Variants in PRKCE observed in about 807,000 individuals in gnomAD.
PRKCE encodes the protein protein kinase C epsilon.
In PRKCE, 16 loss-of-function variants were observed where a neutral mutation model predicts 85.4. The ratio of observed to expected loss-of-function variants is 0.19; its 90% CI spans 0.13 to 0.28. The LOEUF is 0.28. Among genes scored for constraint, PRKCE ranks in the 10% least tolerant of loss-of-function variants. The pLI is 1.00. For missense variants in PRKCE, 573 were observed against 975.2 expected (o/e 0.59, Z 5.49); for synonymous variants, 388 against 371.5 (o/e 1.04, Z -0.51).
At chr2:45,942,072 C>T (rs530157764) in intron 2 of PRKCE, among the ~76,000 whole-genome samples, 6 of 152,258 alleles carry the variant, frequency 3.9e-5, no homozygotes, top group South Asian at 4.1e-4. Flanking sequence ...GTTTGAAGTA[C>T]GGCACCTCTG....
chr2:45,851,253 G>A (rs768547817), intron 2 of PRKCE, among the ~76,000 whole-genome samples: 2 of 152,234 alleles, frequency 1.3e-5, no homozygotes, highest in Non-Finnish European at 2.9e-5. Context: ...AGAGGGACTA[G>A]TATTTGATTG....
chr2:46,108,342 C>A (rs1286199662), intron 11 of PRKCE, among the ~76,000 whole-genome samples: 3 of 152,204 alleles, frequency 2.0e-5, no homozygotes, highest in African/African-American at 7.2e-5. Flanking sequence ...TTAATGAAAT[C>A]ATATCTTTTG....
intron 10 of PRKCE, among the ~76,000 whole-genome samples, chr2:46,064,990 G>C (rs1392116909): frequency 2.0e-5 from 3 of 152,158 alleles, no homozygotes; most frequent in Admixed American, 2.0e-4. Context: ...AATTTTTCAT[G>C]TTCTAGCTTG....
At chr2:46,046,916 C>T (rs111619691) in intron 10 of PRKCE, among the ~76,000 whole-genome samples, 5 of 152,338 alleles carry the variant, frequency 3.3e-5, no homozygotes, top group African/African-American at 1.2e-4. Context: ...CCTATTTCCA[C>T]TTTCATCTAC....
At chr2:46,180,639 C>A (rs1371757721) in intron 14 of PRKCE, among the ~76,000 whole-genome samples, 1 of 152,186 alleles carries the variant, frequency 6.6e-6, no homozygotes, top group African/African-American at 2.4e-5. Flanking sequence ...CCATGGCACA[C>A]GAATGCTAAG....
At chr2:45,934,811 T>G (rs186714060) in intron 2 of PRKCE, among the ~76,000 whole-genome samples, 2 of 149,032 alleles carry the variant, frequency 1.3e-5, no homozygotes, top group East Asian at 3.9e-4. Context: ...CTGAATACTT[T>G]GGGAGGTTGA....
chr2:45,883,385 A>G (rs970212473), intron 2 of PRKCE, among the ~76,000 whole-genome samples: 1 of 152,216 alleles, frequency 6.6e-6, no homozygotes, highest in Non-Finnish European at 1.5e-5. Context: ...AGGGAAGCCC[A>G]TTATAGCCCC....
At chr2:46,146,065 T>C (rs1311543410) in intron 12 of PRKCE, among the ~76,000 whole-genome samples, 1 of 152,202 alleles carries the variant, frequency 6.6e-6, no homozygotes, top group Non-Finnish European at 1.5e-5. Context: ...TATATACAGA[T>C]ATCAGAGATG....
At chr2:45,938,540 AC>A (rs934270682) in intron 2 of PRKCE, among the ~76,000 whole-genome samples, 3 of 151,740 alleles carry the variant, frequency 2.0e-5, no homozygotes, top group African/African-American at 7.3e-5. Flanking sequence ...TTCAGCGCCC[AC>A]CCCTCAAACC....
At chr2:45,844,452 C>T (rs1401245886) in intron 2 of PRKCE, among the ~76,000 whole-genome samples, 1 of 152,112 alleles carries the variant, frequency 6.6e-6, no homozygotes, top group Non-Finnish European at 1.5e-5. Context: ...TATTTAAGAC[C>T]TACAAAAGGG....
chr2:45,943,966 G>A (rs1312151151), intron 2 of PRKCE, among the ~76,000 whole-genome samples: 1 of 152,252 alleles, frequency 6.6e-6, no homozygotes, highest in Non-Finnish European at 1.5e-5. Context: ...TACAGTTTTG[G>A]AAACTGAGGC....
At chr2:45,954,323 A>C (rs1469794814) in intron 2 of PRKCE, among the ~76,000 whole-genome samples, 2 of 152,244 alleles carry the variant, frequency 1.3e-5, no homozygotes, top group African/African-American at 4.8e-5. Context: ...CCAGGTAGAA[A>C]ATTTCTGAAG....
At chr2:45,787,279 T>C (rs1315303118) in intron 1 of PRKCE, among the ~76,000 whole-genome samples, 1 of 151,964 alleles carries the variant, frequency 6.6e-6, no homozygotes, top group African/African-American at 2.4e-5. Context: ...CACACCTAGA[T>C]AGTTTTGGGG....
At chr2:45,950,152 A>T (rs1366072481) in intron 2 of PRKCE, among the ~76,000 whole-genome samples, 1 of 152,202 alleles carries the variant, frequency 6.6e-6, no homozygotes, top group East Asian at 1.9e-4. Context: ...TATGTCTCTA[A>T]TTGGCATCCT....
chr2:45,990,431 A>G (rs890443469), intron 6 of PRKCE, among the ~76,000 whole-genome samples: 2 of 152,176 alleles, frequency 1.3e-5, no homozygotes, highest in African/African-American at 4.8e-5. Flanking sequence ...ACATAAAAGC[A>G]TGAACACTAT....
intron 1 of PRKCE, among the ~76,000 whole-genome samples, chr2:45,692,234 A>C (rs1274864346): frequency 6.6e-6 from 1 of 152,180 alleles, no homozygotes; most frequent in Non-Finnish European, 1.5e-5. Flanking sequence ...GATTACAAGC[A>C]CAGAAATTTA....
chr2:45,729,017 T>A (rs976888588), intron 1 of PRKCE, among the ~76,000 whole-genome samples: 1 of 152,116 alleles, frequency 6.6e-6, no homozygotes, highest in Non-Finnish European at 1.5e-5. Context: ...TCACTTCCCA[T>A]CGTCTTTCTT....
chr2:45,958,192 A>C (rs1360735169), intron 2 of PRKCE, among the ~76,000 whole-genome samples: 24 of 6,884 alleles, frequency 3.5e-3, no homozygotes, highest in Admixed American at 0.011. Flanking sequence ...TAGGCCCGCA[A>C]AAAAAAAAAA....
chr2:45,871,216 C>G (rs762106477), intron 2 of PRKCE, among the ~76,000 whole-genome samples: 64 of 152,202 alleles, frequency 4.2e-4, no homozygotes, highest in Non-Finnish European at 7.8e-4. Context: ...GTTAGTCCCA[C>G]CCTGTCAAGG....
Sources: gnomAD v4.1 joint callset for allele counts (sites outside exome capture counted in the v4.1 genomes callset) on GRCh38, gnomAD v4.1.1 for gene constraint, MANE v1.5 for transcripts, NCBI Gene and HGNC (gene_info 2026-07-23, HGNC 2026-07-21) for gene names.